Variants in TENM3 observed in about 807,000 individuals in gnomAD.
The protein encoded by TENM3 is teneurin transmembrane protein 3, also known as teneurin-3.
In TENM3, 63 loss-of-function variants were observed where a neutral mutation model predicts 255.1. The observed-to-expected ratio is 0.25, with a 90% CI of 0.20 to 0.30. The LOEUF is 0.30. Ranked by LOEUF, TENM3 falls within the 10% of genes least tolerant of loss-of-function variation. TENM3 has a pLI of 1.00. For missense variants in TENM3, 2,929 were observed against 3,461.1 expected, an observed-to-expected ratio of 0.85 and a Z score of 3.86; for synonymous variants, 1,306 against 1,322.3, an observed-to-expected ratio of 0.99 and a Z score of 0.27.
chr4:181,556,591 G>C, the TENM3 span, among the ~76,000 whole-genome samples: 2 of 152,012 alleles, frequency 1.3e-5, 1 homozygote, highest in African/African-American at 4.8e-5. Context: ...TTTTTAATGT[G>C]CATTCATAGT....
At chr4:182,428,386 G>A (rs1288916193) in intron 3 of TENM3, among the ~76,000 whole-genome samples, 1 of 152,094 alleles carries the variant, frequency 6.6e-6, no homozygotes, top group Admixed American at 6.6e-5. Context: ...GTAGCCACCT[G>A]TCTAGTTCCC....
At chr4:182,126,610 C>G in the TENM3 span, among the ~76,000 whole-genome samples, 1 of 152,146 alleles carries the variant, frequency 6.6e-6, no homozygotes. Context: ...CCCATGAAAA[C>G]CTACTGGACT....
chr4:182,372,478 C>T, intron 3 of TENM3, among the ~76,000 whole-genome samples: 1 of 152,068 alleles, frequency 6.6e-6, no homozygotes, highest in East Asian at 1.9e-4. Context: ...CCTTCTATTT[C>T]TTCCATAGTT....
chr4:182,464,834 G>C lies in TENM3; in HGVS notation c.511+117905G>C, dbSNP rs111248876. ...ATAACCTATTACCTTATAAACTGTT[G>C]TTTTGTACATAATAAATAAGACTAA... is the stretch of plus-strand genomic sequence containing the variant. On this transcript the variant is annotated intron_variant, in intron 3 of 27. Coordinates refer to ENST00000511685, the MANE Select transcript of TENM3 (RefSeq NM_001080477.4). Among the ~76,000 whole-genome samples, 1,122 of 152,170 alleles carry C rather than the reference G, an allele frequency of 7.4e-3. 13 individuals are homozygous for C. Among genetic ancestry groups the C allele is most frequent in the African/African-American group, 0.026 (1,060 of 41,530 alleles).
chr4:182,287,459 G>C (rs903769701), intron 1 of TENM3, among the ~76,000 whole-genome samples: 3 of 152,080 alleles, frequency 2.0e-5, no homozygotes, highest in Non-Finnish European at 4.4e-5. Flanking sequence ...CTGCTTCTTC[G>C]TTTCCGTTCC....
the TENM3 span, among the ~76,000 whole-genome samples, chr4:181,688,969 T>A: frequency 6.6e-6 from 1 of 152,200 alleles, no homozygotes; most frequent in Non-Finnish European, 1.5e-5. Flanking sequence ...ATATATCAAA[T>A]AATCTCTCCC....
the TENM3 span, among the ~76,000 whole-genome samples, chr4:181,770,555 G>T: frequency 6.7e-6 from 1 of 150,274 alleles, no homozygotes; most frequent in Non-Finnish European, 1.5e-5. Flanking sequence ...GGTGCCTGTA[G>T]TCCCAGCTAC....
intron 1 of TENM3, among the ~76,000 whole-genome samples, chr4:182,299,012 A>G (rs1006663401): frequency 0.099 from 9,724 of 98,580 alleles, 1,590 homozygotes; most frequent in African/African-American, 0.32. Flanking sequence ...AAAAAAAAAA[A>G]AAAAGAGGTA....
At chr4:181,797,165 C>CGTTTTTTTTTTAAT in the TENM3 span, among the ~76,000 whole-genome samples, 1 of 150,624 alleles carries the variant, frequency 6.6e-6, no homozygotes, top group Non-Finnish European at 1.5e-5. Context: ...AATCTTTTTT[C>CGTTTTTTTTTTAAT]CTTTTTTTTT....
chr4:181,501,523 A>G, the TENM3 span, among the ~76,000 whole-genome samples: 73 of 151,680 alleles, frequency 4.8e-4, no homozygotes, highest in Middle Eastern at 3.4e-3. Context: ...GATTACAGGC[A>G]CCCGCCACCA....
chr4:181,557,654 G>A, the TENM3 span, among the ~76,000 whole-genome samples: 1 of 151,706 alleles, frequency 6.6e-6, no homozygotes, highest in African/African-American at 2.4e-5. Context: ...AGCCTCCCTA[G>A]TCACTGGGAC....
At chr4:182,058,073 G>A in the TENM3 span, among the ~76,000 whole-genome samples, 688 of 146,420 alleles carry the variant, frequency 4.7e-3, 3 homozygotes, top group African/African-American at 0.016. Flanking sequence ...GAGGCTTCAG[G>A]TTTTGCTAAT....
the TENM3 span, among the ~76,000 whole-genome samples, chr4:181,546,537 A>C: frequency 6.8e-6 from 1 of 147,632 alleles, no homozygotes; most frequent in African/African-American, 2.5e-5. Flanking sequence ...AACACGGTGA[A>C]ACCCCGTCTC....
chr4:182,364,504 T>C (rs887320730), intron 3 of TENM3, among the ~76,000 whole-genome samples: 9 of 152,102 alleles, frequency 5.9e-5, no homozygotes, highest in East Asian at 1.9e-4. Flanking sequence ...GCAAGCTCCG[T>C]CTTCCGGGTT....
intron 3 of TENM3, among the ~76,000 whole-genome samples, chr4:182,485,367 AT>A (rs34478293): frequency 0.06 from 9,102 of 151,662 alleles, 420 homozygotes; most frequent in African/African-American, 0.12. Flanking sequence ...GACTTCACAA[AT>A]TTTTTTTTCA....
chr4:182,417,777 C>T (rs531559894), intron 3 of TENM3, among the ~76,000 whole-genome samples: 9 of 152,212 alleles, frequency 5.9e-5, no homozygotes, highest in Middle Eastern at 3.4e-3. Context: ...ACCTCTAGGA[C>T]GAAAGCTGAA....
At chr4:182,763,197 TA>T (rs1162689743) in intron 22 of TENM3, among the ~76,000 whole-genome samples, 7 of 152,204 alleles carry the variant, frequency 4.6e-5, no homozygotes, top group Admixed American at 4.6e-4. Context: ...TTAAAGTAGT[TA>T]ATTGATTAAG....
chr4:182,369,564 G>C (rs1482450605), intron 3 of TENM3, among the ~76,000 whole-genome samples: 1 of 152,102 alleles, frequency 6.6e-6, no homozygotes, highest in Non-Finnish European at 1.5e-5. Flanking sequence ...CTACTTTTTA[G>C]TTTAAGATGT....
In TENM3 at chr4:182,789,326, G is replaced by C; in HGVS notation, c.5538G>C (p.Gln1846His). The change falls in exon 25 of 28, where the codon CAG (glutamine) becomes CAC (histidine). Residue 1846 changes from glutamine (Q) to histidine (H), a missense_variant. Physicochemically the swap from Gln to His is conservative, Grantham distance 24. Transcript: ENST00000511685. This position sits in a 1 kb window ranked among gnomAD's most constrained non-coding sequence, Gnocchi z 4.4. ...GCGAGAAAGTAGATTATGACGGACA[G>C]GGGAGGATCGTGTCTCGGGTCTTTG... is the stretch of plus-strand genomic sequence containing the variant. ...TTSEKVDYDG[Q>H]GRIVSRVFAD... 1 of 1,613,864 alleles carries C rather than the reference G, an allele frequency of 6.2e-7. No individual in the cohort carries two copies. Among genetic ancestry groups the C allele is most frequent in the Non-Finnish European group, 8.5e-7 (1 of 1,179,858 alleles).
Sources: gnomAD v4.1 joint callset for allele counts (sites outside exome capture counted in the v4.1 genomes callset) on GRCh38, gnomAD v4.1.1 for gene constraint, Gnocchi (gnomAD v3.1) non-coding constraint, MANE v1.5 for transcripts, NCBI Gene and HGNC (gene_info 2026-07-23, HGNC 2026-07-21) for gene names.